The following DOCK6 variants were observed in gnomAD, a reference collection of about 807,000 sequenced individuals.
DOCK6 encodes the protein dedicator of cytokinesis 6.
In DOCK6, 167 loss-of-function variants were observed where a neutral mutation model predicts 230.3. The ratio of observed to expected loss-of-function variants is 0.73; its 90% CI spans 0.64 to 0.82. The LOEUF is 0.82. Ranked by LOEUF, DOCK6 falls within the 40% of genes least tolerant of loss-of-function variation. DOCK6 has a pLI of 0.00. For synonymous variants in DOCK6, 1,148 were observed against 1,185.0 expected, an observed-to-expected ratio of 0.97 and a Z score of 0.64; for missense variants, 2,598 against 2,825.8, an observed-to-expected ratio of 0.92 and a Z score of 1.83.
chr19:11,238,641 G>A, intron 14 of DOCK6: 1 of 260,362 alleles, frequency 3.8e-6, no homozygotes, highest in Non-Finnish European at 7.7e-6. Context: ...AGAGTTCCAA[G>A]GTACCTCAGG....
chr19:11,217,261 G>A lies in DOCK6; in HGVS notation c.3681C>T (p.Ser1227=), dbSNP rs761102095. 4.5e-5 allele frequency: 72 copies of A among 1,612,696 alleles called. No homozygotes were observed. Among genetic ancestry groups the A allele is most frequent in the Non-Finnish European group, 5.7e-5 (67 of 1,179,582 alleles). The change falls in exon 29 of 48, where the codon TCC becomes TCT. Residue 1227 remains serine, a synonymous_variant. Transcript: ENST00000294618. Reference sequence around the variant, plus strand: ...GTGGCCCCTGGGAGATGCTGGCCCGGGAGCCAGGGGCTAGGGGGCCACCAG... The same window carrying A: ...GTGGCCCCTGGGAGATGCTGGCCCGAGAGCCAGGGGCTAGGGGGCCACCAG... The part of the protein sequence containing the change: ...AIAGGPLAPG[S]RASISQGPPT...
chr19:11,244,738 C>T (rs1245024231), intron 9 of DOCK6, among the ~76,000 whole-genome samples: 2 of 151,996 alleles, frequency 1.3e-5, no homozygotes, highest in Non-Finnish European at 2.9e-5. Flanking sequence ...GGATTACAGG[C>T]GTGAGCCACC....
rs181199427 is a variant in DOCK6, at chr19:11,247,089, T to C, written c.806+977A>G. On this transcript the variant is annotated intron_variant, in intron 7 of 47. Coordinates refer to ENST00000294618, the MANE Select transcript of DOCK6 (RefSeq NM_020812.4). ...GCATGGTTATGTGTCCTGTATACAG[T>C]AGGGACTTCATAAATGTTTTATTTT... Among the ~76,000 whole-genome samples the C allele has an allele frequency of 2.6e-5, 4 of 152,236 alleles. No individual in the cohort carries two copies. The East Asian group carries it at 7.7e-4, about 29-fold the overall frequency.
At chr19:11,215,065 C>A (rs1014942037) in intron 32 of DOCK6, among the ~76,000 whole-genome samples, 1 of 151,914 alleles carries the variant, frequency 6.6e-6, no homozygotes, top group Admixed American at 6.6e-5. Context: ...GCCTCAGCCT[C>A]GCTAGTAGCT....
chr19:11,202,090 A>G lies in DOCK6; in HGVS notation c.5487T>C (p.Phe1829=). 6.2e-7 allele frequency: 1 copy of G among 1,614,020 alleles called. No homozygotes were observed. The highest frequency in any genetic ancestry group is 8.5e-7 in the Non-Finnish European group (1 of 1,179,898). The change falls in exon 44 of 48, where the codon TTT becomes TTC. Residue 1829 remains phenylalanine, a synonymous_variant. Transcript: ENST00000294618. This position sits in a 1 kb window ranked among gnomAD's most constrained non-coding sequence, Gnocchi z 5.3. ...CCCGGTCCTTGAGCTCGTAGGTATC[A>G]AAGTACGGTTCCACATACGTGATCT... The part of the protein sequence containing the change: ...YIQITYVEPY[F]DTYELKDRVT...
rs772114704 is a variant in DOCK6 at position 11,252,266 on chromosome 19, T to G, written c.378-18A>C. On this transcript the variant is annotated intron_variant, in intron 4 of 47. Transcript: ENST00000294618. ...ACTGATACCTAGCAGGAAACGGGGCTGGGCAGGTAGGGAGGGCTGAGGGCC... is the reference window on the plus strand; with the variant it reads ...ACTGATACCTAGCAGGAAACGGGGCGGGGCAGGTAGGGAGGGCTGAGGGCC... 1.3e-6 allele frequency: 2 copies of G among 1,578,898 alleles called. No homozygotes were observed. The highest frequency in any genetic ancestry group is 2.3e-5 in the South Asian group (2 of 86,954).
intron 9 of DOCK6, among the ~76,000 whole-genome samples, chr19:11,245,082 T>C (rs1282803454): frequency 6.6e-6 from 1 of 152,178 alleles, no homozygotes; most frequent in African/African-American, 2.4e-5. Context: ...CCTTAGGCCC[T>C]GTGGTGAGGA....
At chr19:11,204,167 G>A (rs911124681) in intron 40 of DOCK6, 33 bp downstream of exon 40, 2 of 1,549,340 alleles carry the variant, frequency 1.3e-6, no homozygotes, top group Non-Finnish European at 1.7e-6. Flanking sequence ...GTGGGGCTGA[G>A]GGTGGGGTCT....
chr19:11,213,271 G>A lies in DOCK6; in HGVS notation c.4396C>T (p.Leu1466Phe), dbSNP rs755570842. Residue 1466 changes from leucine (L) to phenylalanine (F), a missense_variant, in exon 35 of 48, where the codon CTC (leucine) becomes TTC (phenylalanine). Transcript: ENST00000294618. ...ATGCGGCTGCCACAGTGTCGTAGGA[G>A]CCTCAGGCACAGGTCGGCACACAGC... is the stretch of plus-strand genomic sequence containing the variant. ...TELCADLCLR[L>F]LRHCGSRIST... The A allele has an allele frequency of 6.2e-7, 1 of 1,613,076 alleles. No homozygotes were observed. The highest frequency in any genetic ancestry group is 8.5e-7 in the Non-Finnish European group (1 of 1,179,876).
At chr19:11,245,737 C>T in intron 8 of DOCK6, 25 bp from the exon 9 acceptor site, 1 of 1,604,220 alleles carries the variant, frequency 6.2e-7, no homozygotes, top group Non-Finnish European at 8.5e-7. Flanking sequence ...GGCAGCTGGG[C>T]CACCACCTCT....
chr19:11,217,195 T>A (rs775905342), intron 29 of DOCK6, 36 bp downstream of exon 29: 16 of 1,603,552 alleles, frequency 1.0e-5, no homozygotes, highest in African/African-American at 1.3e-5. Flanking sequence ...TCATTCAAAG[T>A]GGATGATGTC....
intron 39 of DOCK6, chr19:11,208,254 C>G (rs1353872464): frequency 6.4e-6 from 1 of 156,528 alleles, no homozygotes; most frequent in Admixed American, 6.2e-5. Context: ...ATAACAGGGC[C>G]TCTGAGAAAC....
intron 1 of DOCK6, among the ~76,000 whole-genome samples, chr19:11,255,457 G>A (rs2080183216): frequency 6.6e-6 from 1 of 151,914 alleles, no homozygotes; most frequent in Non-Finnish European, 1.5e-5. Context: ...GTGATTACAG[G>A]TGTGCACCAC....
rs1416246981 is a variant in DOCK6 at position 11,253,828 on chromosome 19, T to C, written c.45-102A>G. ...AATCCAGATTGTGGAACGAAATAAA[T>C]AGGCCGAGGGCCAAGAGAACCAGGA... On this transcript the variant is annotated intron_variant, in intron 1 of 47. Transcript: ENST00000294618. 53 of 829,488 alleles carry C rather than the reference T, an allele frequency of 6.4e-5. No homozygotes were observed. The East Asian group carries it at 1.5e-3, about 23-fold the overall frequency. The allele number at this position is 829,488 out of a possible 1,614,324, so 51.4% of individuals were successfully genotyped here.
chr19:11,232,685 G>A (rs2147816384), intron 22 of DOCK6, among the ~76,000 whole-genome samples: 2 of 152,218 alleles, frequency 1.3e-5, no homozygotes, highest in Middle Eastern at 3.4e-3. Flanking sequence ...GGGTGAATAT[G>A]TATACACACT....
intron 1 of DOCK6, among the ~76,000 whole-genome samples, chr19:11,258,814 T>C (rs1442155592): frequency 2.0e-5 from 3 of 151,592 alleles, no homozygotes; most frequent in Non-Finnish European, 1.5e-5. Context: ...TGGAGTGCAG[T>C]GGCGTGATCT....
chr19:11,252,444 G>T (rs751868832), intron 4 of DOCK6, 38 bp downstream of exon 4: 1 of 1,612,160 alleles, frequency 6.2e-7, no homozygotes, highest in South Asian at 1.1e-5. Flanking sequence ...GCCCTTTTGG[G>T]TTCCGAACCC....
chr19:11,221,267 G>C (rs1309421236), intron 28 of DOCK6: 2 of 155,274 alleles, frequency 1.3e-5, no homozygotes, highest in Non-Finnish European at 2.9e-5. Flanking sequence ...AAACAGAACA[G>C]GACATAACAG....
At chr19:11,207,094 A>G (rs56034303) in intron 39 of DOCK6, among the ~76,000 whole-genome samples, 56,758 of 151,964 alleles carry the variant, frequency 0.37, 13,266 homozygotes, top group Non-Finnish European at 0.53. Context: ...TGGCTTCCCA[A>G]AGTGCTGGGA....
Sources: allele counts gnomAD v4.1 joint callset (sites outside exome capture counted in the v4.1 genomes callset), GRCh38; gene constraint gnomAD v4.1.1; non-coding constraint Gnocchi (gnomAD v3.1); transcripts MANE v1.5; gene names NCBI Gene and HGNC (gene_info 2026-07-23, HGNC 2026-07-21).